The following IL1R1 variants were observed in gnomAD, a reference collection of about 807,000 sequenced individuals.
The protein encoded by IL1R1 is interleukin-1 receptor type 1.
A neutral mutation model predicts 50.2 loss-of-function variants in IL1R1; 22 were observed. That is an observed-to-expected ratio of 0.44 (90% confidence interval 0.31 to 0.63). IL1R1 has a LOEUF of 0.63. Ranked by LOEUF, IL1R1 falls within the 20% of genes least tolerant of loss-of-function variation. The pLI is 0.07. For synonymous variants in IL1R1, 251 were observed against 236.7 expected (o/e 1.06, Z -0.55); for missense variants, 509 against 676.2 (o/e 0.75, Z 2.74).
chr2:102,166,146 T>A lies in IL1R1; in HGVS notation c.520T>A (p.Phe174Ile), dbSNP rs776310656. 6.2e-7 allele frequency: 1 copy of A among 1,613,892 alleles called. No homozygotes were observed. ...CKPLLLDNIH[F>I]SGVKDRLIVM... ...ACCTCTACTTCTTGACAATATACAC[T>A]TTAGTGGAGTCAAAGATAGGCTCAT... Residue 174 changes from phenylalanine to isoleucine, a missense_variant, in exon 6 of 12, where the codon TTT becomes ATT. By Grantham distance (21) the Phe-to-Ile change is conservative (BLOSUM62 0). Transcript: ENST00000410023.
At chr2:102,081,689 C>T (rs746352232) in intron 1 of IL1R1, among the ~76,000 whole-genome samples, 7 of 152,182 alleles carry the variant, frequency 4.6e-5, no homozygotes, top group Non-Finnish European at 1.0e-4. Context: ...GCCTGAATGG[C>T]GACTTGATTC....
At chr2:102,087,238 T>C (rs1679468567) in intron 1 of IL1R1, among the ~76,000 whole-genome samples, 1 of 152,252 alleles carries the variant, frequency 6.6e-6, no homozygotes, top group African/African-American at 2.4e-5. Context: ...ACCCTTGATG[T>C]TGATGGCTGC....
chr2:102,102,208 C>A (rs1680172209), upstream of IL1R1, among the ~76,000 whole-genome samples: 1 of 152,094 alleles, frequency 6.6e-6, no homozygotes. Flanking sequence ...GAAAGGGTAC[C>A]AGGAAGTATG....
At chr2:102,144,951 G>A (rs1203506920) in intron 1 of IL1R1, among the ~76,000 whole-genome samples, 1 of 152,132 alleles carries the variant, frequency 6.6e-6, no homozygotes, top group Non-Finnish European at 1.5e-5. Context: ...CAGGGACCAG[G>A]GCAGATGGAA....
chr2:102,097,356 C>T (rs1246634128), intron 1 of IL1R1, among the ~76,000 whole-genome samples: 4 of 152,120 alleles, frequency 2.6e-5, no homozygotes, highest in Non-Finnish European at 5.9e-5. Context: ...ATTTAATGAA[C>T]ATTAATTGTC....
At chr2:102,084,633 G>A (rs1559453301) in intron 1 of IL1R1, among the ~76,000 whole-genome samples, 1 of 152,142 alleles carries the variant, frequency 6.6e-6, no homozygotes, top group Non-Finnish European at 1.5e-5. Context: ...TTAATACATT[G>A]TACTGCTGAT....
intron 1 of IL1R1, among the ~76,000 whole-genome samples, chr2:102,113,978 C>A (rs190079824): frequency 1.1e-4 from 17 of 152,246 alleles, no homozygotes; most frequent in Non-Finnish European, 2.2e-4. Context: ...CATCATTATG[C>A]CAAAATAGTA....
chr2:102,118,479 A>G (rs1462826176), intron 1 of IL1R1, among the ~76,000 whole-genome samples: 1 of 152,102 alleles, frequency 6.6e-6, no homozygotes, highest in Non-Finnish European at 1.5e-5. Context: ...GGTCGTAGGA[A>G]CCCTGGTTTA....
chr2:102,123,473 A>G (rs1681513064), intron 1 of IL1R1, among the ~76,000 whole-genome samples: 1 of 152,192 alleles, frequency 6.6e-6, no homozygotes, highest in Non-Finnish European at 1.5e-5. Flanking sequence ...TTGTATCAAA[A>G]TAATACTTTG....
At chr2:102,096,729 A>G (rs1023741836) in intron 1 of IL1R1, among the ~76,000 whole-genome samples, 3 of 151,994 alleles carry the variant, frequency 2.0e-5, no homozygotes, top group African/African-American at 7.2e-5. Flanking sequence ...CAAATATATT[A>G]ATCTTTATAT....
At chr2:102,110,379 G>A (rs917150551) in intron 1 of IL1R1, among the ~76,000 whole-genome samples, 10 of 152,064 alleles carry the variant, frequency 6.6e-5, no homozygotes, top group Non-Finnish European at 1.3e-4. Context: ...GAATTGTGGG[G>A]TCAGAGGCTG....
chr2:102,127,125 G>A (rs1681757412), intron 1 of IL1R1, among the ~76,000 whole-genome samples: 3 of 152,126 alleles, frequency 2.0e-5, no homozygotes, highest in South Asian at 4.1e-4. Context: ...TCAGGCCCCC[G>A]GCTTTGTCAA....
intron 1 of IL1R1, among the ~76,000 whole-genome samples, chr2:102,074,950 TTATC>T (rs1678897618): frequency 6.6e-6 from 1 of 152,266 alleles, no homozygotes; most frequent in Middle Eastern, 3.4e-3. Flanking sequence ...AACTCATTAA[TTATC>T]TAACTCATTG....
chr2:102,078,954 T>C (rs933039845), intron 1 of IL1R1, among the ~76,000 whole-genome samples: 3 of 152,124 alleles, frequency 2.0e-5, no homozygotes, highest in Non-Finnish European at 4.4e-5. Flanking sequence ...TCAATCAATG[T>C]AATGCAACAT....
intron 8 of IL1R1, chr2:102,172,158 T>C (rs1685743440): frequency 1.9e-6 from 1 of 531,920 alleles, no homozygotes; most frequent in Non-Finnish European, 2.4e-6. Flanking sequence ...TCTCTTACGT[T>C]ATACATGTTG....
At chr2:102,128,348 A>G (rs1681839363) in intron 1 of IL1R1, among the ~76,000 whole-genome samples, 1 of 152,212 alleles carries the variant, frequency 6.6e-6, no homozygotes, top group Admixed American at 6.5e-5. Flanking sequence ...AATTTTCTCA[A>G]TACCTCTATG....
At chr2:102,117,612 G>A (rs1681158159) in intron 1 of IL1R1, among the ~76,000 whole-genome samples, 1 of 152,148 alleles carries the variant, frequency 6.6e-6, no homozygotes, top group South Asian at 2.1e-4. Context: ...GCATATTAAT[G>A]TATTCCAATG....
At chr2:102,100,083 G>T (rs73943975), upstream of IL1R1, among the ~76,000 whole-genome samples, 1 of 152,132 alleles carries the variant, frequency 6.6e-6, no homozygotes, top group African/African-American at 2.4e-5. Flanking sequence ...CTCCTTTCCT[G>T]CATTCAAGGC....
At chr2:102,167,117 T>C (rs1367978941) in intron 6 of IL1R1, among the ~76,000 whole-genome samples, 3 of 152,198 alleles carry the variant, frequency 2.0e-5, no homozygotes, top group Non-Finnish European at 4.4e-5. Flanking sequence ...TTAGTAGTTA[T>C]GCTGGGACAA....
Sources: allele counts gnomAD v4.1 joint callset (sites outside exome capture counted in the v4.1 genomes callset), GRCh38; gene constraint gnomAD v4.1.1; transcripts MANE v1.5; gene names NCBI Gene and HGNC (gene_info 2026-07-23, HGNC 2026-07-21).